Variants in NAV2 observed in about 807,000 individuals in gnomAD.
NAV2 encodes the protein helicase, APC down-regulated 1.
NAV2 carries 54 observed loss-of-function variants against 223.2 expected under a neutral mutation model. The observed-to-expected ratio is 0.24, with a 90% confidence interval of 0.19 to 0.30. NAV2 has a LOEUF of 0.30. Among genes scored for constraint, NAV2 ranks in the 10% least tolerant of loss-of-function variants. NAV2 has a pLI of 1.00. For synonymous variants in NAV2, 1,279 were observed against 1,239.3 expected (o/e 1.03, Z -0.67); for missense variants, 2,806 against 3,147.5 (o/e 0.89, Z 2.60).
chr11:20,056,033 A>G, intron 19 of NAV2, 76 bp downstream of exon 19: 1 of 1,390,446 alleles, frequency 7.2e-7, no homozygotes, highest in Non-Finnish European at 9.8e-7. Context: ...AGGGTCCTCT[A>G]TGCTAAGTTC....
chr11:19,712,794 C>T (rs1408684520), upstream of NAV2, among the ~76,000 whole-genome samples: 1 of 151,626 alleles, frequency 6.6e-6, no homozygotes, highest in Non-Finnish European at 1.5e-5. Context: ...GCCGGGGCGG[C>T]CCCGGCTGTC....
intron 11 of NAV2, among the ~76,000 whole-genome samples, chr11:20,019,628 G>C (rs1474494431): frequency 6.6e-6 from 1 of 151,936 alleles, no homozygotes; most frequent in Non-Finnish European, 1.5e-5. Context: ...GAAGAGGAGG[G>C]GTCCAGGGAT....
chr11:19,736,732 T>C (rs537719492), intron 1 of NAV2, among the ~76,000 whole-genome samples: 1 of 152,342 alleles, frequency 6.6e-6, no homozygotes, highest in South Asian at 2.1e-4. Flanking sequence ...CAGGAACTCA[T>C]GACATCTCTT....
At chr11:19,855,468 G>A (rs2061363288) in intron 3 of NAV2, among the ~76,000 whole-genome samples, 1 of 152,164 alleles carries the variant, frequency 6.6e-6, no homozygotes, top group Non-Finnish European at 1.5e-5. Flanking sequence ...GAGATGAGTT[G>A]ACTTTTCCTA....
At chr11:19,815,973 A>G (rs1439316512) in intron 1 of NAV2, among the ~76,000 whole-genome samples, 2 of 152,144 alleles carry the variant, frequency 1.3e-5, no homozygotes, top group Admixed American at 6.5e-5. Context: ...TCTTTGTGCA[A>G]ATTGTTCTTT....
chr11:19,535,272 T>C (rs751519762), intron 1 of NAV2, among the ~76,000 whole-genome samples: 2 of 152,108 alleles, frequency 1.3e-5, no homozygotes, highest in African/African-American at 2.4e-5. Flanking sequence ...GCAGCTACTG[T>C]GGGAACCTTG....
At chr11:19,424,129 C>A (rs573347065) in intron 1 of NAV2, among the ~76,000 whole-genome samples, 1 of 152,124 alleles carries the variant, frequency 6.6e-6, no homozygotes, top group East Asian at 1.9e-4. Context: ...ATTAGATATG[C>A]GGAATTTTGA....
At chr11:20,116,641 C>T (rs1420633980) in intron 37 of NAV2, among the ~76,000 whole-genome samples, 1 of 152,198 alleles carries the variant, frequency 6.6e-6, no homozygotes, top group Non-Finnish European at 1.5e-5. Context: ...ACTGGTTGGA[C>T]ACAGAAGGTG....
chr11:19,865,274 G>C (rs1379467276), intron 3 of NAV2, among the ~76,000 whole-genome samples: 2 of 152,164 alleles, frequency 1.3e-5, no homozygotes, highest in Non-Finnish European at 2.9e-5. Context: ...ATGACTACTG[G>C]GGTGCTGCTG....
chr11:19,991,336 G>A (rs1297002800), intron 11 of NAV2, among the ~76,000 whole-genome samples: 1 of 151,916 alleles, frequency 6.6e-6, no homozygotes, highest in African/African-American at 2.4e-5. Flanking sequence ...TGTTGCCCAG[G>A]CTGGTCTCAA....
intron 1 of NAV2, among the ~76,000 whole-genome samples, chr11:19,393,198 G>T (rs1346675357): frequency 6.6e-6 from 1 of 152,162 alleles, no homozygotes; most frequent in Non-Finnish European, 1.5e-5. Context: ...CCTGGGGACT[G>T]TAATATTTTG....
At chr11:19,461,616 T>G (rs1434423216) in intron 1 of NAV2, among the ~76,000 whole-genome samples, 2 of 152,216 alleles carry the variant, frequency 1.3e-5, no homozygotes, top group Non-Finnish European at 2.9e-5. Flanking sequence ...CAGTCCAACT[T>G]GGAAGGGACC....
intron 1 of NAV2, among the ~76,000 whole-genome samples, chr11:19,683,773 C>T (rs541333898): frequency 8.2e-4 from 125 of 152,354 alleles, no homozygotes; most frequent in African/African-American, 2.9e-3. Context: ...GCAAACTTTA[C>T]TCCACAAACC....
At chr11:20,075,227 T>TTTTTG (rs2059655425) in intron 22 of NAV2, among the ~76,000 whole-genome samples, 1 of 144,484 alleles carries the variant, frequency 6.9e-6, no homozygotes, top group African/African-American at 2.9e-5. Flanking sequence ...GTTTTGTTTT[T>TTTTTG]TTTTTTTTTG....
chr11:19,946,591 A>T, intron 9 of NAV2, 82 bp downstream of exon 9: 1 of 1,189,736 alleles, frequency 8.4e-7, no homozygotes, highest in East Asian at 2.6e-5. Context: ...TAGCAAAGCG[A>T]TTTGGTTATA....
intron 1 of NAV2, among the ~76,000 whole-genome samples, chr11:19,409,092 A>G (rs896052584): frequency 6.6e-6 from 1 of 152,172 alleles, no homozygotes; most frequent in Admixed American, 6.5e-5. Flanking sequence ...TGTAAATCAC[A>G]TGTCTTTTTT....
intron 25 of NAV2, among the ~76,000 whole-genome samples, chr11:20,081,730 C>T (rs1304772773): frequency 6.6e-6 from 1 of 152,174 alleles, no homozygotes; most frequent in Non-Finnish European, 1.5e-5. Flanking sequence ...AGAAAAATCT[C>T]ATCAGTTTTT....
intron 3 of NAV2, among the ~76,000 whole-genome samples, chr11:19,867,986 T>C (rs577046216): frequency 9.2e-5 from 14 of 152,264 alleles, no homozygotes; most frequent in Admixed American, 2.6e-4. Context: ...GTCACATGTA[T>C]ACTGTGGAAG....
At chr11:19,635,125 C>CA (rs150323493) in intron 1 of NAV2, among the ~76,000 whole-genome samples, 1,868 of 152,228 alleles carry the variant, frequency 0.012, 45 homozygotes, top group East Asian at 0.077. Context: ...GCCATGTCCC[C>CA]AGGAGGAAAC....
Sources: gnomAD v4.1 joint callset for allele counts (sites outside exome capture counted in the v4.1 genomes callset) on GRCh38, gnomAD v4.1.1 for gene constraint, MANE v1.5 for transcripts, NCBI Gene and HGNC (gene_info 2026-07-23, HGNC 2026-07-21) for gene names.